CSMD1: variants seen among roughly 807,000 people sequenced by gnomAD.
The protein encoded by CSMD1 is CUB and Sushi multiple domains 1.
In CSMD1, 213 loss-of-function variants were observed where a neutral mutation model predicts 417.5. The observed-to-expected ratio is 0.51, with a 90% CI of 0.46 to 0.57. The LOEUF (loss-of-function observed/expected upper bound fraction) is 0.57, where lower values mean the gene tolerates loss of function less well. CSMD1 is among the 20% of genes least tolerant of loss of function. The probability of loss-of-function intolerance (pLI) is 0.00; values close to 1 mark genes in which losing one functional copy is unlikely to be tolerated. For synonymous variants in CSMD1, 2,862 were observed against 1,736.8 expected (o/e 1.65, Z -16.11); for missense variants, 6,923 against 4,529.7 (o/e 1.53, Z -15.17).
intron 63 of CSMD1, among the ~76,000 whole-genome samples, chr8:2,957,286 G>A (rs1416072773): frequency 2.0e-5 from 3 of 152,162 alleles, no homozygotes; most frequent in Admixed American, 1.3e-4. Context: ...GTAATTTGAT[G>A]TAAATATCCT....
chr8:4,085,245 A>G (rs1800358391), intron 3 of CSMD1, among the ~76,000 whole-genome samples: 1 of 152,140 alleles, frequency 6.6e-6, no homozygotes, highest in African/African-American at 2.4e-5. Context: ...AGGGACCCTG[A>G]CAGAGCTTCT....
chr8:3,226,335 C>G (rs1319240676), intron 27 of CSMD1, among the ~76,000 whole-genome samples: 1 of 152,124 alleles, frequency 6.6e-6, no homozygotes, highest in African/African-American at 2.4e-5. Flanking sequence ...GTAATCCCAG[C>G]ACTTTGGGAG....
At chr8:3,429,016 G>C (rs1204455389) in intron 12 of CSMD1, among the ~76,000 whole-genome samples, 1 of 152,162 alleles carries the variant, frequency 6.6e-6, no homozygotes, top group Non-Finnish European at 1.5e-5. Context: ...GGATGGAATG[G>C]TGGTTACCAG....
intron 3 of CSMD1, among the ~76,000 whole-genome samples, chr8:4,173,055 C>A (rs1369083957): frequency 6.6e-6 from 1 of 152,076 alleles, no homozygotes; most frequent in Non-Finnish European, 1.5e-5. Context: ...AATTTCCTGC[C>A]CAGCAATAAA....
At chr8:3,933,374 T>C (rs1810284399) in intron 5 of CSMD1, among the ~76,000 whole-genome samples, 1 of 152,210 alleles carries the variant, frequency 6.6e-6, no homozygotes, top group Non-Finnish European at 1.5e-5. Context: ...TTCAGTTTAG[T>C]ACTAACTGAA....
chr8:3,927,092 A>T (rs1335012962), intron 5 of CSMD1, among the ~76,000 whole-genome samples: 1 of 151,968 alleles, frequency 6.6e-6, no homozygotes, highest in South Asian at 2.1e-4. Context: ...AATTATCTTT[A>T]GGTATTATTA....
intron 3 of CSMD1, among the ~76,000 whole-genome samples, chr8:4,155,103 G>C (rs781243549): frequency 5.3e-5 from 8 of 152,158 alleles, no homozygotes; most frequent in Non-Finnish European, 1.2e-4. Context: ...TGCCTACAGT[G>C]GCCACATGAC....
chr8:4,720,169 C>CATATAT lies in CSMD1; in HGVS notation c.86-82617_86-82612dup, dbSNP rs10611609. Among the ~76,000 whole-genome samples, 410 of 148,942 alleles carry CATATAT rather than the reference C, an allele frequency of 2.8e-3. 1 individual carries two copies. Among genetic ancestry groups the CATATAT allele is most frequent in the African/African-American group, 9.6e-3 (391 of 40,820 alleles). ...AAGCTAGACGTATACATACATATAA[C>CATATAT]ATATATATATATATATTTATATTTC... is the stretch of plus-strand genomic sequence containing the variant. On this transcript the variant is annotated intron_variant, in intron 1 of 69. Coordinates refer to ENST00000635120, the MANE Select transcript of CSMD1 (RefSeq NM_033225.6).
intron 65 of CSMD1, among the ~76,000 whole-genome samples, chr8:2,953,345 T>A (rs1176588523): frequency 6.6e-6 from 1 of 151,832 alleles, no homozygotes; most frequent in Non-Finnish European, 1.5e-5. Context: ...TCACACAGCA[T>A]CCTGACAATA....
In CSMD1 at chr8:3,187,863, T is replaced by A. The variant is rs962807258; in HGVS notation, c.5620+6A>T. Reference sequence around the variant, plus strand: ...CACACAGGTGAGGAAATTGACTCCATCTTACCTGAGAAGCTTCCCAGTCTG... The same window carrying A: ...CACACAGGTGAGGAAATTGACTCCAACTTACCTGAGAAGCTTCCCAGTCTG... On this transcript the variant is annotated splice_donor_region_variant and intron_variant, in intron 36 of 69. Coordinates refer to ENST00000635120, the MANE Select transcript of CSMD1 (RefSeq NM_033225.6). 1.2e-6 allele frequency: 2 copies of A among 1,610,400 alleles called. No homozygotes were observed. Among genetic ancestry groups the A allele is most frequent in the Admixed American group, 1.7e-5 (1 of 59,860 alleles).
chr8:4,521,804 C>T (rs1414400921), intron 2 of CSMD1, among the ~76,000 whole-genome samples: 1 of 152,094 alleles, frequency 6.6e-6, no homozygotes, highest in African/African-American at 2.4e-5. Flanking sequence ...AAACCAAGCA[C>T]CTGGGTGGCC....
intron 15 of CSMD1, among the ~76,000 whole-genome samples, chr8:3,402,600 TA>T (rs1356057366): frequency 1.3e-5 from 2 of 152,160 alleles, no homozygotes; most frequent in Non-Finnish European, 2.9e-5. Context: ...CGCTTTTAAA[TA>T]AAAAAATTGC....
intron 5 of CSMD1, among the ~76,000 whole-genome samples, chr8:3,816,722 T>C (rs534884719): frequency 6.6e-6 from 1 of 152,308 alleles, no homozygotes; most frequent in African/African-American, 2.4e-5. Context: ...TGGGAATGTA[T>C]TTAATTATGA....
At chr8:3,619,262 A>C (rs1414214107) in intron 7 of CSMD1, among the ~76,000 whole-genome samples, 2 of 152,176 alleles carry the variant, frequency 1.3e-5, no homozygotes, top group East Asian at 3.9e-4. Flanking sequence ...AAAACGTGAA[A>C]ACACCTAAAG....
At chr8:4,896,668 C>A (rs1312099905) in intron 1 of CSMD1, among the ~76,000 whole-genome samples, 1 of 151,928 alleles carries the variant, frequency 6.6e-6, no homozygotes, top group Non-Finnish European at 1.5e-5. Context: ...AAATTTTTTC[C>A]GGGGGAAGGA....
intron 2 of CSMD1, among the ~76,000 whole-genome samples, chr8:4,523,613 T>A (rs1052974996): frequency 6.6e-6 from 1 of 152,116 alleles, no homozygotes; most frequent in Non-Finnish European, 1.5e-5. Flanking sequence ...GAAGAAATAA[T>A]GCAAGTCAGA....
At chr8:3,885,559 C>G (rs193124877) in intron 5 of CSMD1, among the ~76,000 whole-genome samples, 1 of 152,132 alleles carries the variant, frequency 6.6e-6, no homozygotes, top group African/African-American at 2.4e-5. Context: ...GTTGCTCCAC[C>G]TAGTAATGAA....
intron 5 of CSMD1, among the ~76,000 whole-genome samples, chr8:3,972,871 A>C (rs564131488): frequency 8.5e-5 from 13 of 152,364 alleles, no homozygotes; most frequent in African/African-American, 2.6e-4. Flanking sequence ...GAGCAAACGG[A>C]AAAAATAAAA....
intron 49 of CSMD1, among the ~76,000 whole-genome samples, chr8:3,057,178 G>A (rs1485272176): frequency 2.0e-5 from 3 of 152,056 alleles, no homozygotes; most frequent in African/African-American, 4.8e-5. Flanking sequence ...ACACACACAC[G>A]TGGTAAATAC....
Sources: allele counts gnomAD v4.1 joint callset (sites outside exome capture counted in the v4.1 genomes callset), GRCh38; gene constraint gnomAD v4.1.1; transcripts MANE v1.5; gene names NCBI Gene and HGNC (gene_info 2026-07-23, HGNC 2026-07-21).